CAST: variants seen among roughly 807,000 people sequenced by gnomAD.
CAST encodes the protein MIR583 host.
CAST carries 76 observed loss-of-function variants against 119.6 expected under a neutral mutation model. The ratio of observed to expected loss-of-function variants is 0.64; its 90% CI spans 0.53 to 0.77. The LOEUF is 0.77. CAST is among the 30% of genes least tolerant of loss of function. The pLI is 0.00. For missense variants in CAST, 953 were observed against 946.5 expected (o/e 1.01, Z -0.09); for synonymous variants, 319 against 331.6 (o/e 0.96, Z 0.41).
chr5:96,220,163 A>G, the CAST span, among the ~76,000 whole-genome samples: 6 of 152,216 alleles, frequency 3.9e-5, no homozygotes, highest in Admixed American at 6.5e-5. Flanking sequence ...GCTCAGAGGC[A>G]TCTGAAAAGG....
the CAST span, among the ~76,000 whole-genome samples, chr5:95,981,322 C>G: frequency 2.0e-5 from 3 of 152,202 alleles, no homozygotes; most frequent in African/African-American, 7.2e-5. Context: ...CACCACTGAG[C>G]AGGCCCTGGG....
At chr5:96,096,476 C>T in the CAST span, among the ~76,000 whole-genome samples, 1 of 152,134 alleles carries the variant, frequency 6.6e-6, no homozygotes, top group East Asian at 1.9e-4. Context: ...AGAACAAGAC[C>T]CAGGGAAAGG....
the CAST span, among the ~76,000 whole-genome samples, chr5:96,199,118 C>G: frequency 1.3e-5 from 2 of 152,108 alleles, no homozygotes; most frequent in Non-Finnish European, 2.9e-5. Flanking sequence ...GGCTGGTCAA[C>G]TTGATTATTT....
At chr5:95,985,320 AAAC>A in the CAST span, among the ~76,000 whole-genome samples, 10 of 152,220 alleles carry the variant, frequency 6.6e-5, no homozygotes, top group East Asian at 1.9e-4. Flanking sequence ...TCTCTAAAAG[AAAC>A]AACAAGAAAA....
the CAST span, among the ~76,000 whole-genome samples, chr5:96,168,205 T>C: frequency 6.6e-6 from 1 of 152,158 alleles, no homozygotes; most frequent in Non-Finnish European, 1.5e-5. Context: ...CCATGAGGGA[T>C]AGAAGTTGGA....
At chr5:96,203,146 C>T in the CAST span, among the ~76,000 whole-genome samples, 1 of 151,724 alleles carries the variant, frequency 6.6e-6, no homozygotes, top group African/African-American at 2.4e-5. Context: ...TTATGCACAA[C>T]CTTTTTTTTT....
chr5:96,208,703 AT>A, the CAST span, among the ~76,000 whole-genome samples: 4 of 150,474 alleles, frequency 2.7e-5, no homozygotes, highest in African/African-American at 7.3e-5. Flanking sequence ...GTTTGGTATG[AT>A]TTTTTTTTAA....
the CAST span, among the ~76,000 whole-genome samples, chr5:96,180,799 T>TA: frequency 6.6e-6 from 1 of 152,232 alleles, no homozygotes; most frequent in Non-Finnish European, 1.5e-5. Context: ...TTTCTTCATG[T>TA]AAACAGTGGA....
the CAST span, among the ~76,000 whole-genome samples, chr5:96,438,743 T>C: frequency 6.6e-6 from 1 of 152,176 alleles, no homozygotes; most frequent in Non-Finnish European, 1.5e-5. Flanking sequence ...CAACCAGATT[T>C]CTCCACTGTA....
intron 1 of CAST, among the ~76,000 whole-genome samples, chr5:96,597,132 G>A (rs953394235): frequency 6.6e-6 from 1 of 152,170 alleles, no homozygotes; most frequent in African/African-American, 2.4e-5. Context: ...GCATCATCCT[G>A]TACTTTTAGG....
At chr5:96,426,942 C>T in the CAST span, among the ~76,000 whole-genome samples, 2 of 152,162 alleles carry the variant, frequency 1.3e-5, no homozygotes, top group African/African-American at 2.4e-5. Flanking sequence ...AAATTAGTCA[C>T]TATGATTTAT....
chr5:96,752,961 TACACACAC>T lies in CAST; in HGVS notation c.1525-1076_1525-1069del, dbSNP rs112835890. On this transcript the variant is annotated intron_variant, in intron 20 of 31. Coordinates refer to ENST00000675179, the MANE Select transcript of CAST (RefSeq NM_001750.7). ...TCCCTTCTATGTATGATGCATTTTA[TACACACAC>T]ACACACACACACACACACACACTCT... 5.6e-5 allele frequency among the ~76,000 whole-genome samples: 8 copies of T among 143,318 alleles called. No individual in the cohort carries two copies. In the South Asian group the frequency reaches 6.7e-4, roughly 12 times the overall value. The allele number at this position is 143,318 out of a possible 152,430, so 94.0% of individuals were successfully genotyped here. A position where few individuals can be genotyped will look rare whatever the true frequency, so the allele number is the denominator to read the frequency against.
At chr5:96,437,468 G>C in the CAST span, among the ~76,000 whole-genome samples, 1 of 152,186 alleles carries the variant, frequency 6.6e-6, no homozygotes, top group African/African-American at 2.4e-5. Context: ...CAATGCTCTT[G>C]CTTCCTCTGT....
At chr5:96,282,914 G>A in the CAST span, among the ~76,000 whole-genome samples, 2 of 151,690 alleles carry the variant, frequency 1.3e-5, no homozygotes, top group African/African-American at 4.8e-5. Context: ...CGGATCACGA[G>A]GTCAGGAGAT....
intron 2 of CAST, chr5:96,675,867 G>C (rs1443028705): frequency 6.0e-6 from 2 of 335,262 alleles, no homozygotes; most frequent in Non-Finnish European, 1.1e-5. Flanking sequence ...ATAGGAACTG[G>C]TGAATCCAAA....
upstream of CAST, chr5:96,662,249 C>T: frequency 1.3e-6 from 1 of 761,000 alleles, no homozygotes; most frequent in Non-Finnish European, 1.9e-6. Context: ...CCCATCGGGG[C>T]TAGGGGAACC....
the CAST span, among the ~76,000 whole-genome samples, chr5:96,134,605 G>T: frequency 6.6e-6 from 1 of 152,176 alleles, no homozygotes; most frequent in Non-Finnish European, 1.5e-5. Flanking sequence ...CTACACAAAA[G>T]TCAAGATATG....
At chr5:96,401,784 G>C in the CAST span, among the ~76,000 whole-genome samples, 2 of 152,148 alleles carry the variant, frequency 1.3e-5, no homozygotes, top group Non-Finnish European at 2.9e-5. Flanking sequence ...ATGAGAAGTG[G>C]TGAGATCTTT....
chr5:96,413,227 G>A, the CAST span, among the ~76,000 whole-genome samples: 1 of 152,148 alleles, frequency 6.6e-6, no homozygotes, highest in South Asian at 2.1e-4. Context: ...CACCCCCAAG[G>A]GGAATCATTT....
Sources: allele counts gnomAD v4.1 joint callset (sites outside exome capture counted in the v4.1 genomes callset), GRCh38; gene constraint gnomAD v4.1.1; transcripts MANE v1.5; gene names NCBI Gene and HGNC (gene_info 2026-07-23, HGNC 2026-07-21).